The following RASGRP3 variants were observed in gnomAD, a reference collection of about 807,000 sequenced individuals.
The protein encoded by RASGRP3 is ras guanyl-releasing protein 3.
RASGRP3 carries 54 observed loss-of-function variants against 82.7 expected under a neutral mutation model. The ratio of observed to expected loss-of-function variants is 0.65; its 90% CI spans 0.52 to 0.82. RASGRP3 has a LOEUF of 0.82. Ranked by LOEUF, RASGRP3 falls within the 40% of genes least tolerant of loss-of-function variation. The pLI is 0.00. For missense variants in RASGRP3, 861 were observed against 828.9 expected, an observed-to-expected ratio of 1.04 and a Z score of -0.48; for synonymous variants, 309 against 300.5, an observed-to-expected ratio of 1.03 and a Z score of -0.29.
intron 15 of RASGRP3, among the ~76,000 whole-genome samples, chr2:33,556,469 G>C (rs1249599382): frequency 1.1e-5 from 1 of 88,610 alleles, no homozygotes; most frequent in Admixed American, 1.1e-4. Flanking sequence ...GGATGGTCTC[G>C]ATCTCCTGAC....
intron 1 of RASGRP3, among the ~76,000 whole-genome samples, chr2:33,496,338 A>G (rs1242559085): frequency 6.6e-6 from 1 of 152,248 alleles, no homozygotes; most frequent in Non-Finnish European, 1.5e-5. Context: ...TCAGAGCCAG[A>G]GTTCTTGGGT....
Position 33,550,383 on chromosome 2 carries a change from A to C in RASGRP3, c.1542+632A>C, listed in dbSNP as rs1168938998. Among the ~76,000 whole-genome samples, 4 of 152,294 alleles carry C rather than the reference A, an allele frequency of 2.6e-5. No individual in the cohort carries two copies. The South Asian group carries it at 8.3e-4, about 32-fold the overall frequency. On this transcript the variant is annotated intron_variant, in intron 14 of 17. Transcript: ENST00000403687. ...CAGGTTCCCGAGGATTGCACAGCTA[A>C]TCATTACCAGAGCTTGGACTCCGAC...
At chr2:33,556,726 A>G (rs1363882131) in intron 15 of RASGRP3, among the ~76,000 whole-genome samples, 2 of 152,080 alleles carry the variant, frequency 1.3e-5, no homozygotes, top group Non-Finnish European at 2.9e-5. Flanking sequence ...TCTCAATGGA[A>G]GCCACTGTTT....
chr2:33,525,170 T>A (rs929720383), intron 9 of RASGRP3, among the ~76,000 whole-genome samples: 4 of 151,034 alleles, frequency 2.6e-5, no homozygotes, highest in Admixed American at 2.6e-4. Context: ...TACTATGTGA[T>A]AGGCATTGTG....
chr2:33,438,283 C>A (rs1405627226), intron 1 of RASGRP3, among the ~76,000 whole-genome samples: 1 of 152,214 alleles, frequency 6.6e-6, no homozygotes, highest in Non-Finnish European at 1.5e-5. Flanking sequence ...ATTCATGGGG[C>A]CAGGCGTGGT....
At chr2:33,476,250 T>A (rs1667356644), upstream of RASGRP3, 1 of 152,188 alleles carries the variant, frequency 6.6e-6, no homozygotes, top group African/African-American at 2.4e-5. Flanking sequence ...CCACCTGCTG[T>A]GCGAGTTGGT....
At chr2:33,483,486 ATTTTTTT>A (rs202150682) in intron 1 of RASGRP3, among the ~76,000 whole-genome samples, 1,633 of 125,934 alleles carry the variant, frequency 0.013, 24 homozygotes, top group African/African-American at 0.036. Context: ...TTTAGCCACT[ATTTTTTT>A]TTTTTTTTTT....
At chr2:33,500,740 C>T (rs1201764308) in intron 1 of RASGRP3, among the ~76,000 whole-genome samples, 1 of 152,096 alleles carries the variant, frequency 6.6e-6, no homozygotes, top group African/African-American at 2.4e-5. Flanking sequence ...TTGAGACCAG[C>T]CTGGCCAACA....
intron 1 of RASGRP3, among the ~76,000 whole-genome samples, chr2:33,478,717 C>CT (rs1667604344): frequency 2.0e-5 from 3 of 152,214 alleles, no homozygotes; most frequent in Admixed American, 1.3e-4. Flanking sequence ...CGATTTAACT[C>CT]TTTCGTATCA....
chr2:33,559,180 T>G, intron 17 of RASGRP3, 150 bp downstream of exon 17: 1 of 649,288 alleles, frequency 1.5e-6, no homozygotes. Context: ...GTCTTGCCAC[T>G]GCCTAGCTAT....
At chr2:33,494,733 G>A (rs1186189780) in intron 1 of RASGRP3, among the ~76,000 whole-genome samples, 1 of 152,096 alleles carries the variant, frequency 6.6e-6, no homozygotes, top group Non-Finnish European at 1.5e-5. Context: ...GTATTGAGGG[G>A]GCATTGGCAC....
chr2:33,450,524 G>T (rs1167129971), intron 2 of RASGRP3, among the ~76,000 whole-genome samples: 1 of 152,028 alleles, frequency 6.6e-6, no homozygotes. Context: ...TAGTCTCCAG[G>T]TTTATCCATG....
upstream of RASGRP3, chr2:33,476,094 A>G (rs2150924316): frequency 6.6e-6 from 1 of 152,230 alleles, no homozygotes; most frequent in Non-Finnish European, 1.5e-5. Flanking sequence ...AGTCCAACCT[A>G]AGCATTCTTA....
At chr2:33,485,658 A>G (rs181239170) in intron 1 of RASGRP3, among the ~76,000 whole-genome samples, 5 of 152,380 alleles carry the variant, frequency 3.3e-5, no homozygotes, top group Admixed American at 3.3e-4. Context: ...ATTCATTCCC[A>G]TGAAATGTTT....
At chr2:33,472,248 A>G (rs1368784126), upstream of RASGRP3, among the ~76,000 whole-genome samples, 1 of 152,220 alleles carries the variant, frequency 6.6e-6, no homozygotes, top group Non-Finnish European at 1.5e-5. Flanking sequence ...TAAAGTTTGG[A>G]TGGAACACAG....
chr2:33,493,203 C>T (rs1472542556), intron 1 of RASGRP3: 6 of 152,212 alleles, frequency 3.9e-5, no homozygotes, highest in Admixed American at 3.3e-4. Flanking sequence ...AAAATTGGAG[C>T]TACCTGAGCC....
chr2:33,486,939 G>A (rs372985161), intron 1 of RASGRP3, among the ~76,000 whole-genome samples: 318 of 152,094 alleles, frequency 2.1e-3, no homozygotes, highest in Middle Eastern at 6.8e-3. Flanking sequence ...TTTGAGAACC[G>A]ATTTATATAT....
At chr2:33,534,246 C>G in intron 10 of RASGRP3, 77 bp from the exon 11 acceptor site, 1 of 1,025,804 alleles carries the variant, frequency 9.7e-7, no homozygotes, top group Non-Finnish European at 1.5e-6. Context: ...AAACATTCAA[C>G]TTGAAAAAAA....
At chr2:33,438,542 A>G (rs1391770397) in intron 1 of RASGRP3, among the ~76,000 whole-genome samples, 1 of 146,876 alleles carries the variant, frequency 6.8e-6, no homozygotes, top group African/African-American at 2.5e-5. Context: ...AGCCTGGGCA[A>G]TGGAGTGAGA....
Sources: gnomAD v4.1 joint callset for allele counts (sites outside exome capture counted in the v4.1 genomes callset) on GRCh38, gnomAD v4.1.1 for gene constraint, MANE v1.5 for transcripts, NCBI Gene and HGNC (gene_info 2026-07-23, HGNC 2026-07-21) for gene names.